The following PHF14 variants were observed in gnomAD, a reference collection of about 807,000 sequenced individuals.
PHF14 encodes the protein PHD finger protein 14.
A neutral mutation model predicts 117.9 loss-of-function variants in PHF14; 55 were observed. The observed-to-expected ratio is 0.47, with a 90% CI of 0.38 to 0.58. The LOEUF (loss-of-function observed/expected upper bound fraction) is 0.58, where lower values mean the gene tolerates loss of function less well. Among genes scored for constraint, PHF14 ranks in the 20% least tolerant of loss-of-function variants. PHF14 has a pLI of 0.00. For synonymous variants in PHF14, 409 were observed against 368.6 expected, an observed-to-expected ratio of 1.11 and a Z score of -1.26; for missense variants, 978 against 1,122.2, an observed-to-expected ratio of 0.87 and a Z score of 1.84.
chr7:11,115,736 A>G (rs1583477715), intron 17 of PHF14, among the ~76,000 whole-genome samples: 2 of 152,036 alleles, frequency 1.3e-5, no homozygotes, highest in Non-Finnish European at 2.9e-5. Flanking sequence ...CACAGGTTAC[A>G]TTTAGTTTTC....
intron 16 of PHF14, 170 bp from the exon 17 acceptor site, chr7:11,111,180 G>GT (rs1787432001): frequency 2.1e-6 from 1 of 472,374 alleles, no homozygotes; most frequent in African/African-American, 2.0e-5. Context: ...TTTATTTCAG[G>GT]TTTAGTTTGC....
intron 10 of PHF14, among the ~76,000 whole-genome samples, chr7:11,038,430 C>CAAAA (rs958555910): frequency 2.0e-5 from 1 of 50,446 alleles, no homozygotes; most frequent in African/African-American, 6.8e-5. Context: ...GACTCCATCT[C>CAAAA]AAAAAAAAAA....
At chr7:11,041,535 C>A (rs1240763339) in intron 12 of PHF14, among the ~76,000 whole-genome samples, 2 of 151,750 alleles carry the variant, frequency 1.3e-5, no homozygotes, top group Non-Finnish European at 2.9e-5. Flanking sequence ...ATTTCTTTCT[C>A]AGAAATAGTA....
chr7:11,127,438 C>T (rs765671030), intron 17 of PHF14, among the ~76,000 whole-genome samples: 80 of 152,138 alleles, frequency 5.3e-4, no homozygotes, highest in African/African-American at 1.7e-3. Flanking sequence ...TGCTCTTTAA[C>T]GGGCCCACAT....
At chr7:11,164,794 T>C (rs1789152094) in intron 17 of PHF14, among the ~76,000 whole-genome samples, 1 of 152,226 alleles carries the variant, frequency 6.6e-6, no homozygotes, top group African/African-American at 2.4e-5. Flanking sequence ...CTAAGAACCA[T>C]TTTTAAATTT....
intron 6 of PHF14, among the ~76,000 whole-genome samples, chr7:11,025,816 G>GAA (rs909035842): frequency 6.6e-6 from 1 of 150,564 alleles, no homozygotes; most frequent in African/African-American, 2.4e-5. Flanking sequence ...AAAAGAAAAA[G>GAA]AAAGAAATTG....
chr7:11,011,163 A>G (rs1008351211), intron 4 of PHF14, among the ~76,000 whole-genome samples: 2 of 152,210 alleles, frequency 1.3e-5, no homozygotes, highest in Admixed American at 6.5e-5. Flanking sequence ...CTGACATATA[A>G]TGACGTCTAG....
chr7:11,110,326 T>C (rs1408739545), intron 16 of PHF14: 1 of 152,738 alleles, frequency 6.5e-6, no homozygotes, highest in Non-Finnish European at 1.5e-5. Flanking sequence ...AGATAAACAA[T>C]AAAGAAAATC....
chr7:10,988,280 G>A (rs182563088), intron 3 of PHF14, among the ~76,000 whole-genome samples: 1 of 152,182 alleles, frequency 6.6e-6, no homozygotes, highest in African/African-American at 2.4e-5. Flanking sequence ...GAGAGAAATT[G>A]GCGTAGAGAT....
At chr7:11,151,801 G>A (rs1283018673) in intron 17 of PHF14, among the ~76,000 whole-genome samples, 1 of 152,044 alleles carries the variant, frequency 6.6e-6, no homozygotes, top group African/African-American at 2.4e-5. Flanking sequence ...TATTTTGTAA[G>A]TAGCTGTTAA....
chr7:11,124,273 A>T (rs1583484650), intron 17 of PHF14, among the ~76,000 whole-genome samples: 1 of 152,016 alleles, frequency 6.6e-6, no homozygotes. Flanking sequence ...AACCTACTTT[A>T]AAAAAAATTA....
intron 6 of PHF14, among the ~76,000 whole-genome samples, chr7:11,024,822 C>G (rs1316662056): frequency 1.3e-5 from 2 of 152,182 alleles, no homozygotes; most frequent in African/African-American, 2.4e-5. Context: ...GTTTTCCTGC[C>G]TGCTGTCACA....
At chr7:11,064,585 T>C (rs1785360215) in intron 16 of PHF14, among the ~76,000 whole-genome samples, 1 of 152,046 alleles carries the variant, frequency 6.6e-6, no homozygotes, top group African/African-American at 2.4e-5. Context: ...TTCAGCAGTT[T>C]TGATTTTTTA....
chr7:11,138,699 G>A (rs969546302), intron 17 of PHF14, among the ~76,000 whole-genome samples: 3 of 152,174 alleles, frequency 2.0e-5, no homozygotes, highest in Non-Finnish European at 4.4e-5. Flanking sequence ...TCTTTAAAGA[G>A]AAAAGAGATC....
intron 16 of PHF14, among the ~76,000 whole-genome samples, chr7:11,069,354 A>G (rs1785530101): frequency 6.6e-6 from 1 of 152,116 alleles, no homozygotes; most frequent in African/African-American, 2.4e-5. Context: ...GGTAGGAGGT[A>G]GAAAAGTACT....
chr7:11,160,089 T>C (rs1004728669), intron 17 of PHF14, among the ~76,000 whole-genome samples: 26 of 152,052 alleles, frequency 1.7e-4, no homozygotes, highest in Admixed American at 1.2e-3. Context: ...TCTAGTAGTC[T>C]CCAGTGTCTA....
intron 13 of PHF14, among the ~76,000 whole-genome samples, 179 bp downstream of exon 13, chr7:11,042,993 G>A (rs1349136496): frequency 2.6e-5 from 4 of 151,898 alleles, no homozygotes. Context: ...TGAGAAATGA[G>A]TTTTTCATTA....
chr7:11,052,237 A>G (rs1047001098), intron 14 of PHF14, among the ~76,000 whole-genome samples: 5 of 152,214 alleles, frequency 3.3e-5, no homozygotes, highest in Non-Finnish European at 7.3e-5. Context: ...GAATGGAATC[A>G]AATGTTTTTC....
At chr7:10,987,819 T>C (rs1782276428) in intron 3 of PHF14, among the ~76,000 whole-genome samples, 1 of 152,102 alleles carries the variant, frequency 6.6e-6, no homozygotes, top group Non-Finnish European at 1.5e-5. Flanking sequence ...TTTGTATTGA[T>C]CTAATCATAA....
Sources: gnomAD v4.1 joint callset for allele counts (sites outside exome capture counted in the v4.1 genomes callset) on GRCh38, gnomAD v4.1.1 for gene constraint, MANE v1.5 for transcripts, NCBI Gene and HGNC (gene_info 2026-07-23, HGNC 2026-07-21) for gene names.